Variants in THAP3 observed in about 807,000 individuals in gnomAD.
THAP3 encodes the protein THAP domain-containing protein 3.
A neutral mutation model predicts 17.7 loss-of-function variants in THAP3; 12 were observed. The ratio of observed to expected loss-of-function variants is 0.68; its 90% CI spans 0.43 to 1.10. THAP3 has a LOEUF of 1.10. THAP3 is among the 50% of genes least tolerant of loss of function. THAP3 has a pLI of 0.00. For synonymous variants in THAP3, 133 were observed against 126.9 expected, an observed-to-expected ratio of 1.05 and a Z score of -0.32; for missense variants, 289 against 318.0, an observed-to-expected ratio of 0.91 and a Z score of 0.69.
At chr1:6,628,275 A>T in intron 2 of THAP3, 1 of 507,278 alleles carries the variant, frequency 2.0e-6, no homozygotes. Context: ...GAAGCAGCTC[A>T]CTTGGGCTCT....
At chr1:6,635,574 T>A (rs1213052907), downstream of THAP3, 1 of 1,240,148 alleles carries the variant, frequency 8.1e-7, no homozygotes, top group African/African-American at 1.5e-5. Context: ...AATAATAATA[T>A]AAAATAAAAA....
chr1:6,632,502 C>CT lies in THAP3; in HGVS notation c.438+8dup. 1 of 1,614,136 alleles carries CT rather than the reference C, an allele frequency of 6.2e-7. No individual in the cohort carries two copies. Among genetic ancestry groups the CT allele is most frequent in the Non-Finnish European group, 8.5e-7 (1 of 1,180,014 alleles). ...CGAAGGCCACGTAAAACAGGTAAGA[C>CT]TGAGTGCAAAGGTGGTCTGTGGTTG... On this transcript the variant is annotated splice_region_variant and intron_variant, in intron 5 of 5. Transcript: ENST00000054650.
intron 4 of THAP3, 21 bp from the exon 5 acceptor site, chr1:6,632,370 A>T: frequency 6.2e-7 from 1 of 1,612,952 alleles, no homozygotes; most frequent in Non-Finnish European, 8.5e-7. Context: ...TGTAGTGCAG[A>T]CTTCACCCTG....
In THAP3 at chr1:6,632,966, G is replaced by A. The variant is rs1324414852; in HGVS notation, c.609G>A (p.Arg203=). Residue 203 remains arginine (R), a synonymous_variant, in exon 6 of 6, where the codon CGG becomes CGA. Coordinates refer to ENST00000054650, the MANE Select transcript of THAP3 (RefSeq NM_001195753.2). ...FLTLKENEKL[R]KRLQAQRLVM... is the part of the protein sequence containing the mutation. ...CTCTGAAGGAAAATGAAAAGCTCCG[G>A]AAGCGCTTGCAGGCCCAGAGGCTGG... 5 of 1,612,936 alleles carry A rather than the reference G, an allele frequency of 3.1e-6. No homozygotes were observed. The South Asian group carries it at 4.4e-5, about 14-fold the overall frequency.
chr1:6,633,180 TTGGCCATGAGGCCTGC>T lies in THAP3; in HGVS notation c.*105_*120del. On this transcript the variant is annotated 3_prime_UTR_variant, in exon 6 of 6. Transcript: ENST00000054650. ...TTGTCTGCTGTGGACACTGAGAAAG[TTGGCCATGAGGCCTGC>T]TTGGCCGGGGATCGAGACAGTAGCC... 1 of 1,475,878 alleles carries T rather than the reference TTGGCCATGAGGCCTGC, an allele frequency of 6.8e-7. No individual in the cohort carries two copies. The highest frequency in any genetic ancestry group is 9.0e-7 in the Non-Finnish European group (1 of 1,116,158). 91.4% of individuals were successfully genotyped at this position (1,475,878 alleles called of 1,614,324 possible). A position where few individuals can be genotyped will look rare whatever the true frequency, so the allele number is the denominator to read the frequency against.
intron 4 of THAP3, among the ~76,000 whole-genome samples, chr1:6,630,716 G>A (rs1471047444): frequency 1.3e-5 from 2 of 152,120 alleles, no homozygotes; most frequent in South Asian, 2.1e-4. Context: ...GATTACAGAT[G>A]CCCGCTACCA....
intron 3 of THAP3, 124 bp downstream of exon 3, chr1:6,628,815 C>T (rs1166206028): frequency 2.1e-6 from 2 of 943,356 alleles, no homozygotes; most frequent in African/African-American, 3.3e-5. Flanking sequence ...GTGACAACAG[C>T]ACTGTCACGC....
In THAP3 at chr1:6,633,304, A is replaced by C; in HGVS notation, c.*227A>C. ...GGAGTGCACATCTGTGAGCATGACAAGCTTATCCTCCCATGGTAACAGAAG... is the reference window on the plus strand; with the variant it reads ...GGAGTGCACATCTGTGAGCATGACACGCTTATCCTCCCATGGTAACAGAAG... On this transcript the variant is annotated 3_prime_UTR_variant, in exon 6 of 6. Coordinates refer to ENST00000054650, the MANE Select transcript of THAP3 (RefSeq NM_001195753.2). The C allele has an allele frequency of 7.1e-7, 1 of 1,413,530 alleles. No individual in the cohort carries two copies. Among genetic ancestry groups the C allele is most frequent in the African/African-American group, 1.4e-5 (1 of 69,480 alleles). 87.6% of individuals were successfully genotyped at this position (1,413,530 alleles called of 1,614,324 possible). A position where few individuals can be genotyped will look rare whatever the true frequency, so the allele number is the denominator to read the frequency against.
chr1:6,633,135 AG>A lies in THAP3; in HGVS notation c.*59del. ...GGCACCAGGGCCGGCAGAGCTTTGG[AG>A]CTCTGGCTGTGGACATTTTTGTCTG... On this transcript the variant is annotated 3_prime_UTR_variant, in exon 6 of 6. Transcript: ENST00000054650. 6.5e-7 allele frequency: 1 copy of A among 1,534,894 alleles called. No homozygotes were observed. The highest frequency in any genetic ancestry group is 2.1e-5 in the Admixed American group (1 of 47,498).
At chr1:6,631,624 GC>G (rs537746549) in intron 4 of THAP3, among the ~76,000 whole-genome samples, 73 of 152,080 alleles carry the variant, frequency 4.8e-4, no homozygotes, top group Non-Finnish European at 7.2e-4. Context: ...CAAAAATTCG[GC>G]TGGGCCTGGT....
chr1:6,632,703 G>A, intron 5 of THAP3, 93 bp from the exon 6 acceptor site: 1 of 1,518,838 alleles, frequency 6.6e-7, no homozygotes, highest in South Asian at 1.2e-5. Flanking sequence ...AGCTGCCCTG[G>A]GGTTGTGCTG....
downstream of THAP3, chr1:6,633,906 G>GACTC: frequency 1.1e-6 from 1 of 926,318 alleles, no homozygotes; most frequent in East Asian, 2.6e-5. Flanking sequence ...GACAGAGCGA[G>GACTC]ACTCAGTCTG....
chr1:6,630,993 G>C (rs1416368949), intron 4 of THAP3, among the ~76,000 whole-genome samples: 1 of 151,836 alleles, frequency 6.6e-6, no homozygotes, highest in East Asian at 1.9e-4. Flanking sequence ...ATAGATGTGA[G>C]TCACTGCACC....
At chr1:6,634,615 G>C (rs778348115), downstream of THAP3, 13 of 1,366,316 alleles carry the variant, frequency 9.5e-6, no homozygotes, top group Middle Eastern at 2.1e-4. Flanking sequence ...CAGGCCTCAC[G>C]TAACTTTACT....
intron 3 of THAP3, 96 bp from the exon 4 acceptor site, chr1:6,630,192 T>G: frequency 9.4e-7 from 1 of 1,068,282 alleles, no homozygotes; most frequent in Middle Eastern, 2.0e-4. Context: ...GGGCATGCAG[T>G]GGGCCGAGCA....
chr1:6,628,348 TC>T, intron 2 of THAP3, 150 bp from the exon 3 acceptor site: 1 of 660,294 alleles, frequency 1.5e-6, no homozygotes, highest in Admixed American at 3.4e-5. Flanking sequence ...GACAGAAGCT[TC>T]CAGAAATTAG....
At chr1:6,634,603 G>A, downstream of THAP3, 11 of 1,366,382 alleles carry the variant, frequency 8.1e-6, no homozygotes, top group Non-Finnish European at 1.1e-5. Context: ...GGCCCCGAGA[G>A]ACAGGCCTCA....
downstream of THAP3, chr1:6,634,665 C>A: frequency 7.3e-7 from 1 of 1,366,422 alleles, no homozygotes; most frequent in Non-Finnish European, 9.8e-7. Flanking sequence ...CCTAGCTCCG[C>A]TGCATTCTGC....
At chr1:6,630,623 G>A (rs1641583615) in intron 4 of THAP3, among the ~76,000 whole-genome samples, 1 of 152,054 alleles carries the variant, frequency 6.6e-6, no homozygotes, top group South Asian at 2.1e-4. Context: ...CACCCAGTCT[G>A]GAGTGCAGTG....
Sources: allele counts gnomAD v4.1 joint callset (sites outside exome capture counted in the v4.1 genomes callset), GRCh38; gene constraint gnomAD v4.1.1; transcripts MANE v1.5; gene names NCBI Gene and HGNC (gene_info 2026-07-23, HGNC 2026-07-21).